The following FRYL variants were observed in gnomAD, a reference collection of about 807,000 sequenced individuals.
The protein encoded by FRYL is protein furry homolog-like.
A neutral mutation model predicts 351.2 loss-of-function variants in FRYL; 150 were observed. The observed-to-expected ratio is 0.43, with a 90% CI of 0.37 to 0.49. FRYL has a LOEUF of 0.49. Ranked by LOEUF, FRYL falls within the 20% of genes least tolerant of loss-of-function variation. The probability of loss-of-function intolerance (pLI) is 0.00; values close to 1 mark genes in which losing one functional copy is unlikely to be tolerated. For missense variants in FRYL, 3,036 were observed against 3,619.3 expected (o/e 0.84, Z 4.13); for synonymous variants, 1,153 against 1,257.1 (o/e 0.92, Z 1.75).
Position 48,540,493 on chromosome 4 carries a change from T to C in FRYL, c.6155A>G (p.Lys2052Arg), listed in dbSNP as rs1480666327. 3 of 1,614,070 alleles carry C rather than the reference T, an allele frequency of 1.9e-6. No individual in the cohort carries two copies. The change falls in exon 46 of 64, where the codon AAA becomes AGA. Residue 2052 changes from lysine (K) to arginine (R), a missense_variant. Physicochemically the swap from Lys to Arg is conservative, Grantham distance 26. Transcript: ENST00000358350. ...CTGAAGTCCTGGAAAATTAGTCCATTTCAATTTGCTTTGTACATTTTCAAT... is the reference window on the plus strand; with the variant it reads ...CTGAAGTCCTGGAAAATTAGTCCATCTCAATTTGCTTTGTACATTTTCAAT... ...EKIENVQSKL[K>R]WTNFPGLQQL...
At chr4:48,695,476 T>C (rs1031163839) in intron 2 of FRYL, among the ~76,000 whole-genome samples, 1 of 151,980 alleles carries the variant, frequency 6.6e-6, no homozygotes, top group Non-Finnish European at 1.5e-5. Flanking sequence ...TGTTAACATA[T>C]ATTTACTGTA....
intron 3 of FRYL, among the ~76,000 whole-genome samples, chr4:48,670,105 A>T (rs544064295): frequency 6.6e-6 from 1 of 152,188 alleles, no homozygotes; most frequent in African/African-American, 2.4e-5. Flanking sequence ...CAATCCAATT[A>T]TACCTTTTTA....
At chr4:48,579,603 T>C (rs1052273399) in intron 22 of FRYL, among the ~76,000 whole-genome samples, 5 of 152,172 alleles carry the variant, frequency 3.3e-5, no homozygotes, top group African/African-American at 1.2e-4. Context: ...TTGACCTGTA[T>C]CTATGTATGT....
chr4:48,655,306 T>C (rs1276080147), intron 3 of FRYL, among the ~76,000 whole-genome samples: 2 of 152,102 alleles, frequency 1.3e-5, no homozygotes, highest in African/African-American at 4.8e-5. Flanking sequence ...AGAACCATAA[T>C]ACCACAATAC....
intron 3 of FRYL, among the ~76,000 whole-genome samples, chr4:48,684,002 T>C (rs1046035303): frequency 6.6e-6 from 1 of 152,194 alleles, no homozygotes; most frequent in African/African-American, 2.4e-5. Context: ...TGCTAATTCA[T>C]GTTTGTTCAT....
chr4:48,753,441 T>C (rs185904188), intron 1 of FRYL, among the ~76,000 whole-genome samples: 16 of 152,328 alleles, frequency 1.1e-4, no homozygotes, highest in African/African-American at 3.6e-4. Flanking sequence ...ACTGTTGTTA[T>C]TGCAATATAA....
At chr4:48,716,347 A>C (rs1218733945) in intron 1 of FRYL, among the ~76,000 whole-genome samples, 5 of 151,432 alleles carry the variant, frequency 3.3e-5, no homozygotes, top group Non-Finnish European at 7.4e-5. Context: ...CAACCCACAA[A>C]ATGGGAGAAA....
At chr4:48,540,273 TAG>T in intron 46 of FRYL, 78 bp downstream of exon 46, 1 of 1,453,796 alleles carries the variant, frequency 6.9e-7, no homozygotes, top group Non-Finnish European at 9.2e-7. Flanking sequence ...AAGCAGAAAT[TAG>T]TAGATTTCAA....
intron 13 of FRYL, 62 bp from the exon 14 acceptor site, chr4:48,596,062 T>C (rs769043312): frequency 1.9e-5 from 21 of 1,082,976 alleles, no homozygotes; most frequent in Non-Finnish European, 2.7e-5. Context: ...ACAGCAAACA[T>C]ATTCTCTGTC....
rs1438808379 is a variant in FRYL at position 48,565,653 on chromosome 4, G to T, written c.3208C>A (p.Arg1070Ser). 1 of 1,612,674 alleles carries T rather than the reference G, an allele frequency of 6.2e-7. No homozygotes were observed. The highest frequency in any genetic ancestry group is 1.7e-5 in the Admixed American group (1 of 59,454). The change falls in exon 29 of 64, where the codon CGT becomes AGT. Residue 1070 changes from arginine to serine, a missense_variant. Arg to Ser is a moderately radical substitution (Grantham distance 110, BLOSUM62 -1). Coordinates refer to ENST00000358350, the MANE Select transcript of FRYL (RefSeq NM_015030.2). ...CTGAACAGCATAAATAGACTGTGAC[G>T]AAGGCTCTGTTGAGGAAAAATACTT... ...RRSIFPQQSL[R>S]HSLFMLFSHW...
At chr4:48,626,228 G>T (rs529047624) in intron 4 of FRYL, among the ~76,000 whole-genome samples, 1 of 152,102 alleles carries the variant, frequency 6.6e-6, no homozygotes, top group East Asian at 1.9e-4. Flanking sequence ...AAATCTGTTT[G>T]TCAATAAACC....
intron 49 of FRYL, among the ~76,000 whole-genome samples, chr4:48,534,196 A>G (rs1200101474): frequency 6.6e-6 from 1 of 152,256 alleles, no homozygotes; most frequent in Non-Finnish European, 1.5e-5. Flanking sequence ...ACTGCACTCC[A>G]GCCTGGGCAA....
At chr4:48,647,348 TA>T (rs1756712283) in intron 3 of FRYL, among the ~76,000 whole-genome samples, 2 of 152,170 alleles carry the variant, frequency 1.3e-5, no homozygotes, top group Non-Finnish European at 2.9e-5. Flanking sequence ...GATATGTTAA[TA>T]AAATAGAGGG....
intron 1 of FRYL, among the ~76,000 whole-genome samples, chr4:48,715,426 C>A (rs555794684): frequency 6.6e-6 from 1 of 152,242 alleles, no homozygotes; most frequent in South Asian, 2.1e-4. Flanking sequence ...TCAGCAAAGT[C>A]TCAGGATACA....
intron 3 of FRYL, among the ~76,000 whole-genome samples, chr4:48,650,696 A>C (rs959533974): frequency 6.6e-6 from 1 of 152,198 alleles, no homozygotes; most frequent in Non-Finnish European, 1.5e-5. Context: ...CTCCTCCTAC[A>C]GGAGACAGAA....
At chr4:48,505,167 T>C (rs1306985348) in intron 60 of FRYL, among the ~76,000 whole-genome samples, 1 of 152,200 alleles carries the variant, frequency 6.6e-6, no homozygotes, top group Non-Finnish European at 1.5e-5. Flanking sequence ...GGATATATTA[T>C]ATCACATTAT....
chr4:48,579,423 A>G (rs532886802), intron 22 of FRYL, among the ~76,000 whole-genome samples, 182 bp from the exon 23 acceptor site: 4 of 152,190 alleles, frequency 2.6e-5, no homozygotes, highest in Non-Finnish European at 5.9e-5. Context: ...CTGTATGTGC[A>G]TACATGTCTT....
At chr4:48,675,331 A>G (rs1763425640) in intron 3 of FRYL, among the ~76,000 whole-genome samples, 1 of 152,020 alleles carries the variant, frequency 6.6e-6, no homozygotes, top group Non-Finnish European at 1.5e-5. Flanking sequence ...CCTTGCAGGG[A>G]GGTGTGGAGG....
intron 1 of FRYL, among the ~76,000 whole-genome samples, chr4:48,746,544 T>TA (rs75943469): frequency 0.012 from 1,631 of 137,790 alleles, 10 homozygotes; most frequent in Middle Eastern, 0.019. Context: ...GACTCCGTTT[T>TA]AAAAAAAAAA....
Sources: allele counts gnomAD v4.1 joint callset (sites outside exome capture counted in the v4.1 genomes callset), GRCh38; gene constraint gnomAD v4.1.1; transcripts MANE v1.5; gene names NCBI Gene and HGNC (gene_info 2026-07-23, HGNC 2026-07-21).